The following LNX1 variants were observed in gnomAD, a reference collection of about 807,000 sequenced individuals.
LNX1 encodes E3 ubiquitin-protein ligase LNX.
LNX1 carries 54 observed loss-of-function variants against 68.4 expected under a neutral mutation model. The ratio of observed to expected loss-of-function variants is 0.79; its 90% CI spans 0.63 to 0.99. The LOEUF (loss-of-function observed/expected upper bound fraction) is 0.99. LNX1 is among the 50% of genes least tolerant of loss of function. The pLI is 0.00. For synonymous variants in LNX1, 336 were observed against 350.0 expected (o/e 0.96, Z 0.45); for missense variants, 906 against 926.4 (o/e 0.98, Z 0.29).
In LNX1 at chr4:53,541,197, C is replaced by T. The variant is rs577594141; in HGVS notation, c.380+32426G>A. Among the ~76,000 whole-genome samples the T allele has an allele frequency of 4.0e-4, 60 of 151,122 alleles. 1 individual carries two copies. The highest frequency in any genetic ancestry group is 3.9e-4 in the East Asian group (2 of 5,160). On this transcript the variant is annotated intron_variant, in intron 2 of 10. Coordinates refer to ENST00000263925, the MANE Select transcript of LNX1 (RefSeq NM_001126328.3). ...AAGAAAGAAAGAAATGGCAGGAATG[C>T]GTTCTGTGATTTCAGGATTCTCTAG... is the stretch of plus-strand genomic sequence containing the variant.
At chr4:53,504,462 GT>G (rs1194130627) in intron 4 of LNX1, among the ~76,000 whole-genome samples, 2 of 152,204 alleles carry the variant, frequency 1.3e-5, no homozygotes, top group African/African-American at 4.8e-5. Context: ...TGTTGTGGCT[GT>G]TTTGTTTTTC....
intron 4 of LNX1, 60 bp from the exon 5 acceptor site, chr4:53,498,903 CTT>C: frequency 7.8e-7 from 1 of 1,285,794 alleles, no homozygotes; most frequent in Non-Finnish European, 1.1e-6. Context: ...TCCAACTACT[CTT>C]CTTGCCAAAC....
At chr4:53,584,193 C>A (rs922377634) in intron 1 of LNX1, among the ~76,000 whole-genome samples, 2 of 151,820 alleles carry the variant, frequency 1.3e-5, no homozygotes, top group Non-Finnish European at 2.9e-5. Context: ...CCAAGTTTTA[C>A]AGAGGGAAGG....
At chr4:53,639,522 A>G (rs1453487300) in intron 1 of LNX1, among the ~76,000 whole-genome samples, 1 of 152,220 alleles carries the variant, frequency 6.6e-6, no homozygotes, top group Non-Finnish European at 1.5e-5. Flanking sequence ...GCATCTTGAA[A>G]CAGAAACGTA....
At chr4:53,594,688 TCTTA>T (rs1288218065), upstream of LNX1, among the ~76,000 whole-genome samples, 1 of 152,058 alleles carries the variant, frequency 6.6e-6, no homozygotes, top group African/African-American at 2.4e-5. Context: ...TCTTTTACTT[TCTTA>T]CTTTCTTTTC....
chr4:53,574,927 T>C (rs114294397), intron 1 of LNX1, among the ~76,000 whole-genome samples: 2 of 152,208 alleles, frequency 1.3e-5, no homozygotes, highest in East Asian at 1.9e-4. Context: ...AGAGCTCCTA[T>C]AAGGGGCCTT....
chr4:53,564,603 G>A (rs1730515150), intron 2 of LNX1, among the ~76,000 whole-genome samples: 1 of 152,210 alleles, frequency 6.6e-6, no homozygotes, highest in South Asian at 2.1e-4. Context: ...TGGCAAAAGG[G>A]ACTTTGCAGA....
intron 9 of LNX1, among the ~76,000 whole-genome samples, chr4:53,463,492 T>C (rs1222570826): frequency 6.6e-6 from 1 of 152,096 alleles, no homozygotes; most frequent in African/African-American, 2.4e-5. Context: ...GGGCATTTTT[T>C]TCTTAAGTTG....
At chr4:53,496,521 G>A in intron 5 of LNX1, 127 bp from the exon 6 acceptor site, 5 of 1,202,252 alleles carry the variant, frequency 4.2e-6, no homozygotes, top group Non-Finnish European at 5.6e-6. Context: ...CTCATCCTGT[G>A]TCCAATAACC....
intron 2 of LNX1, among the ~76,000 whole-genome samples, chr4:53,544,545 G>A (rs1421501307): frequency 2.0e-5 from 3 of 151,974 alleles, no homozygotes; most frequent in African/African-American, 7.2e-5. Flanking sequence ...TTCCTGATGA[G>A]GTTGAGCTGC....
intron 2 of LNX1, among the ~76,000 whole-genome samples, chr4:53,610,933 T>C (rs1212462725): frequency 2.6e-5 from 4 of 151,696 alleles, no homozygotes; most frequent in Non-Finnish European, 5.9e-5. Context: ...AAATGCAAAA[T>C]TATAAAAGAT....
intron 6 of LNX1, among the ~76,000 whole-genome samples, chr4:53,486,405 G>T (rs1438560767): frequency 6.6e-6 from 1 of 152,100 alleles, no homozygotes; most frequent in Non-Finnish European, 1.5e-5. Context: ...TTTTCTACAG[G>T]CCAAGAGGAA....
chr4:53,585,417 T>C (rs1205606292), intron 1 of LNX1, among the ~76,000 whole-genome samples: 1 of 152,160 alleles, frequency 6.6e-6, no homozygotes, highest in Non-Finnish European at 1.5e-5. Context: ...TGTATATGGT[T>C]GTCAGCTGGG....
chr4:53,584,624 A>G (rs545910905), intron 1 of LNX1, among the ~76,000 whole-genome samples: 1 of 152,320 alleles, frequency 6.6e-6, no homozygotes, highest in East Asian at 1.9e-4. Context: ...AAATGTGTCA[A>G]TCAAGGAAGA....
chr4:53,517,866 A>G (rs1201791154), intron 2 of LNX1, among the ~76,000 whole-genome samples: 1 of 152,140 alleles, frequency 6.6e-6, no homozygotes, highest in Admixed American at 6.5e-5. Flanking sequence ...GGGCAAGTCC[A>G]CCATCTGGTA....
chr4:53,514,359 C>A (rs1256992214), intron 2 of LNX1, among the ~76,000 whole-genome samples: 2 of 152,144 alleles, frequency 1.3e-5, no homozygotes, highest in Non-Finnish European at 2.9e-5. Context: ...AAGACATACC[C>A]AAGACTGGGT....
chr4:53,602,542 G>T (rs1388960108), intron 2 of LNX1, among the ~76,000 whole-genome samples: 1 of 152,214 alleles, frequency 6.6e-6, no homozygotes, highest in Non-Finnish European at 1.5e-5. Flanking sequence ...GTGGCTTTTA[G>T]AGTGCAGCCA....
chr4:53,582,724 T>C (rs1219037877), intron 1 of LNX1, among the ~76,000 whole-genome samples: 1 of 152,212 alleles, frequency 6.6e-6, no homozygotes, highest in Non-Finnish European at 1.5e-5. Flanking sequence ...TTTGTTTTTT[T>C]TTTAATTGTT....
At chr4:53,575,889 G>A in intron 1 of LNX1, 2 of 1,579,578 alleles carry the variant, frequency 1.3e-6, no homozygotes, top group Non-Finnish European at 1.7e-6. Context: ...TCAGCAGCCT[G>A]CAAGGGGAGG....
Sources: gnomAD v4.1 joint callset for allele counts (sites outside exome capture counted in the v4.1 genomes callset) on GRCh38, gnomAD v4.1.1 for gene constraint, MANE v1.5 for transcripts, NCBI Gene and HGNC (gene_info 2026-07-23, HGNC 2026-07-21) for gene names.